The following SMNDC1 variants were observed in gnomAD, a reference collection of about 807,000 sequenced individuals.
SMNDC1 encodes survival of motor neuron-related-splicing factor 30.
In SMNDC1, 5 loss-of-function variants were observed where a neutral mutation model predicts 29.2. The ratio of observed to expected loss-of-function variants is 0.17; its 90% CI spans 0.09 to 0.36. The LOEUF (loss-of-function observed/expected upper bound fraction) is 0.36. Ranked by LOEUF, SMNDC1 falls within the 10% of genes least tolerant of loss-of-function variation. SMNDC1 has a pLI of 1.00. For synonymous variants in SMNDC1, 80 were observed against 89.9 expected (o/e 0.89, Z 0.62); for missense variants, 142 against 268.5 (o/e 0.53, Z 3.29).
chr10:110,303,833 C>G (rs961245356), intron 1 of SMNDC1: 12 of 407,642 alleles, frequency 2.9e-5, no homozygotes, highest in Non-Finnish European at 5.2e-5. Flanking sequence ...CATACAGATA[C>G]AAAGAAATTT....
In SMNDC1 at chr10:110,295,400, A is replaced by G. The variant is rs148126813; in HGVS notation, c.426-19T>C. On this transcript the variant is annotated intron_variant, in intron 4 of 5. Transcript: ENST00000369603. ...TTCTTTTCTGCATGAAAAAAAGTTA[A>G]ATGTCAACTGTTAAGACTTATCATA... 4 of 1,575,050 alleles carry G rather than the reference A, an allele frequency of 2.5e-6. No homozygotes were observed. The East Asian group carries it at 9.0e-5, about 35-fold the overall frequency.
chr10:110,296,535 CAGA>C (rs779275428), intron 4 of SMNDC1, among the ~76,000 whole-genome samples: 1 of 152,104 alleles, frequency 6.6e-6, no homozygotes, highest in Non-Finnish European at 1.5e-5. Context: ...GGCAAATATG[CAGA>C]AGTTCACCAA....
At position 110,292,645 on chromosome 10, in the gene SMNDC1, C is replaced by A. The variant is rs1172047226; in HGVS notation, c.*1505G>T. On this transcript the variant is annotated 3_prime_UTR_variant, in exon 6 of 6. Transcript: ENST00000369603. Reference sequence around the variant, plus strand: ...TCTACTGCAGTTTGTGCCTTTCTGTCCTTTGTGTCCTACCCTGTGGCCACG... The same window carrying A: ...TCTACTGCAGTTTGTGCCTTTCTGTACTTTGTGTCCTACCCTGTGGCCACG... The A allele has an allele frequency of 6.6e-6, 1 of 152,132 alleles. No individual in the cohort carries two copies. The highest frequency in any genetic ancestry group is 1.5e-5 in the Non-Finnish European group (1 of 68,032). The allele number at this position is 152,132 out of a possible 1,614,324, so 9.4% of individuals were successfully genotyped here.
At position 110,292,388 on chromosome 10, in the gene SMNDC1, G is replaced by A. The variant is rs1857509714; in HGVS notation, c.*1762C>T. ...CAAAAGAGGGACAAGACTGTTAACA[G>A]TCCTGCCTACACAAACATCAAGTGA... On this transcript the variant is annotated 3_prime_UTR_variant, in exon 6 of 6. Transcript: ENST00000369603. 1 of 152,048 alleles carries A rather than the reference G, an allele frequency of 6.6e-6. No homozygotes were observed. The highest frequency in any genetic ancestry group is 2.4e-5 in the African/African-American group (1 of 41,384). 9.4% of individuals were successfully genotyped at this position (152,048 alleles called of 1,614,324 possible). A position where few individuals can be genotyped will look rare whatever the true frequency, so the allele number is the denominator to read the frequency against.
intron 2 of SMNDC1, among the ~76,000 whole-genome samples, chr10:110,302,558 T>A (rs1815993334): frequency 6.6e-6 from 1 of 152,100 alleles, no homozygotes; most frequent in Non-Finnish European, 1.5e-5. Flanking sequence ...TAACGGGCAG[T>A]GGGATAATAA....
rs1857498615 is a variant in SMNDC1 at position 110,291,478 on chromosome 10, G to A, written c.*2672C>T. On this transcript the variant is annotated 3_prime_UTR_variant, in exon 6 of 6. Transcript: ENST00000369603. ...AATGGGTATTGTTATCCATTGTAATGTGGATTGCTATTCAAGTTAAGGAAA... is the reference window on the plus strand; with the variant it reads ...AATGGGTATTGTTATCCATTGTAATATGGATTGCTATTCAAGTTAAGGAAA... 6.6e-6 allele frequency: 1 copy of A among 152,188 alleles called. No homozygotes were observed. The highest frequency in any genetic ancestry group is 2.4e-5 in the African/African-American group (1 of 41,446). The allele number at this position is 152,188 out of a possible 1,614,324, so 9.4% of individuals were successfully genotyped here.
At chr10:110,299,317 TG>T (rs1483163039) in intron 2 of SMNDC1, among the ~76,000 whole-genome samples, 1 of 152,218 alleles carries the variant, frequency 6.6e-6, no homozygotes, top group African/African-American at 2.4e-5. Flanking sequence ...AAGAAACCAG[TG>T]GTCTTCCTAT....
Position 110,295,315 on chromosome 10 carries a change from T to C in SMNDC1, c.492A>G (p.Ile164Met). 1 of 1,610,794 alleles carries C rather than the reference T, an allele frequency of 6.2e-7. No individual in the cohort carries two copies. The highest frequency in any genetic ancestry group is 8.5e-7 in the Non-Finnish European group (1 of 1,179,042). The change falls in exon 5 of 6, where the codon ATA becomes ATG. Residue 164 changes from isoleucine to methionine, a missense_variant. Transcript: ENST00000369603. ...CCTCTCTTTCCTGCTCAAGTTCTTT[T>C]ATTCTCTGAGCTTTTTTCAAAGCTT... ...KKKALKKAQR[I>M]KELEQEREDQ... is the part of the protein sequence containing the mutation.
At chr10:110,301,188 A>AT (rs1470553829) in intron 2 of SMNDC1, among the ~76,000 whole-genome samples, 1 of 152,234 alleles carries the variant, frequency 6.6e-6, no homozygotes, top group East Asian at 1.9e-4. Context: ...TTCACCAAAT[A>AT]TAACAAGCTG....
Position 110,297,052 on chromosome 10 carries a change from G to A in SMNDC1, c.425+515C>T, listed in dbSNP as rs79432742. Among the ~76,000 whole-genome samples, 20 of 152,214 alleles carry A rather than the reference G, an allele frequency of 1.3e-4. No individual in the cohort carries two copies. In the East Asian group the frequency reaches 1.5e-3, roughly 12 times the overall value. On this transcript the variant is annotated intron_variant, in intron 4 of 5. Coordinates refer to ENST00000369603, the MANE Select transcript of SMNDC1 (RefSeq NM_005871.4). ...TTCAAGCCCAGATCAACATCATACC[G>A]CCTTGTAGCTTTGTACTTGGCTCTT...
At chr10:110,297,766 G>A in intron 3 of SMNDC1, 38 bp from the exon 4 acceptor site, 1 of 1,585,662 alleles carries the variant, frequency 6.3e-7, no homozygotes, top group South Asian at 1.1e-5. Context: ...GTGAGTAAAG[G>A]TTTAGTACTC....
At chr10:110,298,811 C>T in intron 2 of SMNDC1, 21 bp from the exon 3 acceptor site, 1 of 1,574,962 alleles carries the variant, frequency 6.3e-7, no homozygotes, top group Non-Finnish European at 8.7e-7. Context: ...AAAACAAAAA[C>T]TACAACATTA....
intron 2 of SMNDC1, among the ~76,000 whole-genome samples, chr10:110,299,700 T>C (rs1857617502): frequency 6.6e-6 from 1 of 152,220 alleles, no homozygotes; most frequent in African/African-American, 2.4e-5. Flanking sequence ...ACTGTGTGTT[T>C]GGGGAGAAAA....
intron 5 of SMNDC1, among the ~76,000 whole-genome samples, 178 bp from the exon 6 acceptor site, chr10:110,294,465 CTGTAACT>C (rs763960213): frequency 3.3e-5 from 5 of 152,194 alleles, no homozygotes; most frequent in Non-Finnish European, 5.9e-5. Flanking sequence ...AAGCCATTTA[CTGTAACT>C]TCTAAGTTGT....
Position 110,297,693 on chromosome 10 carries a change from T to C in SMNDC1, c.299A>G (p.Glu100Gly). The C allele has an allele frequency of 6.2e-7, 1 of 1,614,030 alleles. No individual in the cohort carries two copies. The highest frequency in any genetic ancestry group is 8.5e-7 in the Non-Finnish European group (1 of 1,179,942). ...YEAEIEEIDEENGTAAITFAG... is the reference protein window; with the variant it reads ...YEAEIEEIDEGNGTAAITFAG... ...AAAGGTGATTGCAGCGGTGCCATTT[T>C]CTTCATCTATCTCCTCAATCTCCGC... Residue 100 changes from glutamate (E) to glycine (G), a missense_variant, in exon 4 of 6, where the codon GAA becomes GGA. By Grantham distance (98) the Glu-to-Gly change is moderately conservative. This residue lies in a region of SMNDC1 where 65 missense variants were observed against 75.9 expected (regional missense o/e 0.86). Transcript: ENST00000369603.
At chr10:110,300,105 G>C (rs1003001420) in intron 2 of SMNDC1, among the ~76,000 whole-genome samples, 4 of 152,030 alleles carry the variant, frequency 2.6e-5, no homozygotes, top group African/African-American at 4.8e-5. Flanking sequence ...CCACTTTTAG[G>C]GGTAGGAATG....
rs562986367 is a variant in SMNDC1 at position 110,291,605 on chromosome 10, A to G, written c.*2545T>C. ...TAAGCTATTTACACATTTGAATTCA[A>G]TCCTTAAAACTGAAACAGATTTTTC... On this transcript the variant is annotated 3_prime_UTR_variant, in exon 6 of 6. Coordinates refer to ENST00000369603, the MANE Select transcript of SMNDC1 (RefSeq NM_005871.4). 1.3e-5 allele frequency: 2 copies of G among 152,332 alleles called. No homozygotes were observed. Among genetic ancestry groups the G allele is most frequent in the East Asian group, 3.9e-4 (2 of 5,188 alleles). The allele number at this position is 152,332 out of a possible 1,614,324, so 9.4% of individuals were successfully genotyped here.
At chr10:110,304,384 A>G (rs1212635210) in intron 1 of SMNDC1, 3 of 152,250 alleles carry the variant, frequency 2.0e-5, no homozygotes, top group Non-Finnish European at 4.4e-5. Context: ...CCTCCCCGCC[A>G]CGCAGCACCT....
intron 2 of SMNDC1, among the ~76,000 whole-genome samples, chr10:110,299,746 A>G (rs1455526832): frequency 2.0e-5 from 3 of 152,210 alleles, no homozygotes; most frequent in African/African-American, 7.2e-5. Flanking sequence ...AGTTTCTTCT[A>G]GTTCCCACTG....
Sources: gnomAD v4.1 joint callset for allele counts (sites outside exome capture counted in the v4.1 genomes callset) on GRCh38, gnomAD v4.1.1 for gene constraint, gnomAD v4.1.1 regional missense constraint, MANE v1.5 for transcripts, NCBI Gene and HGNC (gene_info 2026-07-23, HGNC 2026-07-21) for gene names.